Variants in YAP1 observed in about 807,000 individuals in gnomAD.
YAP1 encodes the protein transcriptional coactivator YAP1.
In YAP1, 5 loss-of-function variants were observed where a neutral mutation model predicts 56.9. That is an observed-to-expected ratio of 0.09 (90% CI 0.05 to 0.18). The LOEUF (loss-of-function observed/expected upper bound fraction) is 0.18, where lower values mean the gene tolerates loss of function less well. Among genes scored for constraint, YAP1 ranks in the 10% least tolerant of loss-of-function variants. The probability of loss-of-function intolerance (pLI) is 1.00; values close to 1 mark genes in which losing one functional copy is unlikely to be tolerated. For synonymous variants in YAP1, 265 were observed against 248.1 expected (o/e 1.07, Z -0.64); for missense variants, 539 against 651.8 (o/e 0.83, Z 1.88).
Position 102,220,846 on chromosome 11 carries a change from C to T in YAP1, c.1033-2776C>T, listed in dbSNP as rs114144906. Reference sequence around the variant, plus strand: ...AGTGATGAAGTGGTCAGTATCATTTCGGTGTAAAGGCGATCCCGGCATTTC... The same window carrying T: ...AGTGATGAAGTGGTCAGTATCATTTTGGTGTAAAGGCGATCCCGGCATTTC... On this transcript the variant is annotated intron_variant, in intron 6 of 8. Coordinates refer to ENST00000282441, the MANE Select transcript of YAP1 (RefSeq NM_001130145.3). Among the ~76,000 whole-genome samples, 612 of 152,278 alleles carry T rather than the reference C, an allele frequency of 4.0e-3. 9 individuals carry two copies. Among genetic ancestry groups the T allele is most frequent in the African/African-American group, 0.014 (586 of 41,540 alleles).
intron 2 of YAP1, among the ~76,000 whole-genome samples, chr11:102,138,693 C>A (rs1281287152): frequency 6.6e-6 from 1 of 152,128 alleles, no homozygotes; most frequent in Non-Finnish European, 1.5e-5. Context: ...GAAAAGTGTT[C>A]ATTGTTATTA....
At chr11:102,213,816 G>A (rs575678732) in intron 6 of YAP1, among the ~76,000 whole-genome samples, 5 of 152,190 alleles carry the variant, frequency 3.3e-5, no homozygotes, top group East Asian at 1.9e-4. Flanking sequence ...AGTGGCTCAC[G>A]CCTGTAATCC....
intron 2 of YAP1, among the ~76,000 whole-genome samples, chr11:102,156,041 GT>G (rs144417823): frequency 0.089 from 13,275 of 149,698 alleles, 973 homozygotes; most frequent in African/African-American, 0.19. Context: ...CATCTTCACA[GT>G]TTTTTTTTTA....
Position 102,110,740 on chromosome 11 carries a change from C to A in YAP1, c.-109C>A, listed in dbSNP as rs1363267686. The A allele has an allele frequency of 9.5e-7, 1 of 1,051,442 alleles. No individual in the cohort carries two copies. Among genetic ancestry groups the A allele is most frequent in the Non-Finnish European group, 1.2e-6 (1 of 835,162 alleles). 65.1% of individuals were successfully genotyped at this position (1,051,442 alleles called of 1,614,324 possible). ...CCCTGAGAGCGAGGACAGCGCCGCC[C>A]GGCCCGCAGCCGTCGCCGCTTCTCC... On this transcript the variant is annotated 5_prime_UTR_variant, in exon 1 of 9. Coordinates refer to ENST00000282441, the MANE Select transcript of YAP1 (RefSeq NM_001130145.3).
rs189644195 is a variant in YAP1 at position 102,223,846 on chromosome 11, G to T, written c.1163+94G>T. On this transcript the variant is annotated intron_variant, in intron 7 of 8. Coordinates refer to ENST00000282441, the MANE Select transcript of YAP1 (RefSeq NM_001130145.3). ...TTGTAATAGGCTATTTGGAACATCT[G>T]TGTGGGCCAAAAACCATAGCTGTAA... 1,145 of 1,485,732 alleles carry T rather than the reference G, an allele frequency of 7.7e-4. 10 individuals carry two copies. The highest frequency in any genetic ancestry group is 6.0e-3 in the Middle Eastern group (34 of 5,670). The allele number at this position is 1,485,732 out of a possible 1,614,324, so 92.0% of individuals were successfully genotyped here.
rs1036697545 is a variant in YAP1, at chr11:102,185,946, G to A, written c.689-72G>A. On this transcript the variant is annotated intron_variant, in intron 3 of 8. Transcript: ENST00000282441. ...TAAGATGTGTTTTCTTTTTAAATTA[G>A]TACCCCCTCCCACTTTTTTTTAGGT... is the stretch of plus-strand genomic sequence containing the variant. The A allele has an allele frequency of 1.1e-5, 15 of 1,410,422 alleles. No individual in the cohort carries two copies. In the South Asian group the frequency reaches 2.0e-4, roughly 18 times the overall value. 87.4% of individuals were successfully genotyped at this position (1,410,422 alleles called of 1,614,324 possible).
chr11:102,187,445 G>A (rs1036102454), intron 4 of YAP1, among the ~76,000 whole-genome samples: 12 of 152,152 alleles, frequency 7.9e-5, no homozygotes, highest in Non-Finnish European at 1.6e-4. Flanking sequence ...CTTGTGATTG[G>A]AACAGGAAAC....
Position 102,229,837 on chromosome 11 carries a change from T to C in YAP1, c.1412T>C (p.Met471Thr). The change falls in exon 9 of 9, where the codon ATG becomes ACG. Residue 471 changes from methionine (M) to threonine (T), a missense_variant. Met to Thr is a moderately conservative substitution (Grantham distance 81, BLOSUM62 -1). Around this residue, in one of 4 missense-constraint regions of YAP1, gnomAD observed 414 missense variants for 512.4 expected, o/e 0.81. Coordinates refer to ENST00000282441, the MANE Select transcript of YAP1 (RefSeq NM_001130145.3). ...ATGAACATAGAAGGAGAGGAGCTGA[T>C]GCCAAGTCTGCAGGAAGCTTTGAGT... Reference protein sequence around the residue: ...DGMNIEGEELMPSLQEALSSD... With the variant: ...DGMNIEGEELTPSLQEALSSD... 1 of 1,614,160 alleles carries C rather than the reference T, an allele frequency of 6.2e-7. No homozygotes were observed. Among genetic ancestry groups the C allele is most frequent in the Non-Finnish European group, 8.5e-7 (1 of 1,179,988 alleles).
intron 5 of YAP1, among the ~76,000 whole-genome samples, chr11:102,208,883 G>A (rs1173868584): frequency 6.6e-6 from 1 of 152,126 alleles, no homozygotes; most frequent in Non-Finnish European, 1.5e-5. Flanking sequence ...AGATCATCCT[G>A]GGGTTTTTTG....
intron 8 of YAP1, among the ~76,000 whole-genome samples, chr11:102,229,079 T>C (rs1950342791): frequency 1.3e-5 from 2 of 152,242 alleles, no homozygotes; most frequent in Admixed American, 1.3e-4. Context: ...TCTGAAAGTA[T>C]GTTCTATTGA....
intron 2 of YAP1, among the ~76,000 whole-genome samples, chr11:102,136,833 A>G (rs188775458): frequency 1.7e-4 from 26 of 152,268 alleles, no homozygotes; most frequent in Admixed American, 1.6e-3. Context: ...AGTTGCATAG[A>G]TCTGTTACTG....
intron 6 of YAP1, among the ~76,000 whole-genome samples, chr11:102,219,503 A>G (rs528592987): frequency 6.6e-6 from 1 of 152,114 alleles, no homozygotes; most frequent in Admixed American, 6.6e-5. Context: ...TATTGAGAGG[A>G]TGTGTCCTCC....
chr11:102,126,849 A>C (rs1944063443), intron 2 of YAP1, among the ~76,000 whole-genome samples: 1 of 152,210 alleles, frequency 6.6e-6, no homozygotes, highest in Non-Finnish European at 1.5e-5. Context: ...AGTGATGTGA[A>C]CAGTCCAGGC....
At chr11:102,144,653 A>T (rs1328173629) in intron 2 of YAP1, among the ~76,000 whole-genome samples, 1 of 152,134 alleles carries the variant, frequency 6.6e-6, no homozygotes, top group Non-Finnish European at 1.5e-5. Flanking sequence ...TTGATATGGC[A>T]TCTCATTTCT....
intron 4 of YAP1, among the ~76,000 whole-genome samples, chr11:102,192,449 G>A (rs1015512973): frequency 6.6e-6 from 1 of 152,168 alleles, no homozygotes; most frequent in Non-Finnish European, 1.5e-5. Flanking sequence ...ATCTGCAGTA[G>A]AGGCTAGCAT....
At chr11:102,123,597 C>T (rs1008166419) in intron 2 of YAP1, among the ~76,000 whole-genome samples, 17 of 149,024 alleles carry the variant, frequency 1.1e-4, no homozygotes, top group African/African-American at 2.2e-4. Context: ...CTTATTTTCT[C>T]GTGAAATTTT....
At chr11:102,204,500 C>T (rs1382643989) in intron 4 of YAP1, among the ~76,000 whole-genome samples, 1 of 152,070 alleles carries the variant, frequency 6.6e-6, no homozygotes, top group Non-Finnish European at 1.5e-5. Flanking sequence ...TGTCAGTAGA[C>T]AATATGGAAA....
chr11:102,183,111 C>T (rs778506971), intron 3 of YAP1, among the ~76,000 whole-genome samples: 1 of 152,078 alleles, frequency 6.6e-6, no homozygotes, highest in Non-Finnish European at 1.5e-5. Flanking sequence ...GTTAAATGTG[C>T]ATGGAGAATG....
At chr11:102,125,991 A>G (rs1944017176) in intron 2 of YAP1, among the ~76,000 whole-genome samples, 2 of 152,074 alleles carry the variant, frequency 1.3e-5, no homozygotes, top group Admixed American at 1.3e-4. Flanking sequence ...GATGGGAGTT[A>G]GGACTGAATA....
Sources: gnomAD v4.1 joint callset for allele counts (sites outside exome capture counted in the v4.1 genomes callset) on GRCh38, gnomAD v4.1.1 for gene constraint, gnomAD v4.1.1 regional missense constraint, MANE v1.5 for transcripts, NCBI Gene and HGNC (gene_info 2026-07-23, HGNC 2026-07-21) for gene names.